Variants in ZNF676 observed in about 807,000 individuals in gnomAD.
The protein encoded by ZNF676 is zinc finger protein 676.
ZNF676 carries 4 observed loss-of-function variants against 6.0 expected under a neutral mutation model. The observed-to-expected ratio is 0.67, with a 90% CI of 0.33 to 1.53. ZNF676 has a LOEUF of 1.53. Ranked by LOEUF, ZNF676 falls within the 40% of genes most tolerant of loss-of-function variation. ZNF676 has a pLI of 0.06. For synonymous variants in ZNF676, 198 were observed against 223.1 expected, an observed-to-expected ratio of 0.89 and a Z score of 1.00; for missense variants, 644 against 679.7, an observed-to-expected ratio of 0.95 and a Z score of 0.58.
At chr19:22,258,227 T>C in the ZNF676 span, among the ~76,000 whole-genome samples, 2 of 152,120 alleles carry the variant, frequency 1.3e-5, no homozygotes, top group African/African-American at 2.4e-5. Flanking sequence ...ACCTCTTCTA[T>C]GGAGAAAGCC....
the ZNF676 span, among the ~76,000 whole-genome samples, chr19:22,239,008 G>A: frequency 6.2e-4 from 95 of 152,120 alleles, no homozygotes; most frequent in Non-Finnish European, 1.1e-3. Flanking sequence ...TTAATACTTT[G>A]TATCCTTCAA....
chr19:22,232,508 A>G, the ZNF676 span, among the ~76,000 whole-genome samples: 1 of 152,180 alleles, frequency 6.6e-6, no homozygotes, highest in African/African-American at 2.4e-5. Flanking sequence ...TAATAAAAAT[A>G]AAACCAGACA....
chr19:22,205,384 C>T (rs1232298050), intron 1 of ZNF676, among the ~76,000 whole-genome samples: 1 of 152,108 alleles, frequency 6.6e-6, no homozygotes, highest in African/African-American at 2.4e-5. Context: ...GGCACATACT[C>T]TAAAATTGAC....
At chr19:22,229,790 C>T in the ZNF676 span, among the ~76,000 whole-genome samples, 1,256 of 152,250 alleles carry the variant, frequency 8.2e-3, 19 homozygotes, top group African/African-American at 0.028. Flanking sequence ...AAATCAAAAT[C>T]ACAATGAGAT....
chr19:22,200,332 A>C (rs921368841), upstream of ZNF676, among the ~76,000 whole-genome samples: 3 of 152,074 alleles, frequency 2.0e-5, no homozygotes, highest in African/African-American at 7.2e-5. Context: ...AACTCTTCCA[A>C]TTATAAGTTC....
intron 1 of ZNF676, chr19:22,215,532 G>A: frequency 2.1e-6 from 3 of 1,397,146 alleles, no homozygotes; most frequent in South Asian, 2.4e-5. Context: ...AGAACTTGTG[G>A]AGCTGACTGC....
At chr19:22,208,830 C>CT (rs1271190907) in intron 1 of ZNF676, among the ~76,000 whole-genome samples, 2 of 152,056 alleles carry the variant, frequency 1.3e-5, no homozygotes, top group Admixed American at 6.6e-5. Context: ...GTCTTAGCTA[C>CT]TTGAGAAGCT....
chr19:22,237,030 G>T, the ZNF676 span, among the ~76,000 whole-genome samples: 1 of 152,294 alleles, frequency 6.6e-6, no homozygotes, highest in East Asian at 1.9e-4. Flanking sequence ...TAATTACAAG[G>T]TTCTTTAAAG....
chr19:22,226,785 G>C, the ZNF676 span, among the ~76,000 whole-genome samples: 1 of 151,978 alleles, frequency 6.6e-6, no homozygotes, highest in African/African-American at 2.4e-5. Flanking sequence ...TTTTAGTAGA[G>C]ACGAGGTTTC....
upstream of ZNF676, among the ~76,000 whole-genome samples, chr19:22,218,923 G>C (rs2024220804): frequency 7.1e-6 from 1 of 141,640 alleles, no homozygotes; most frequent in African/African-American, 2.5e-5. Context: ...GTGTGTTTTT[G>C]ATTTTGTTGT....
intron 2 of ZNF676, among the ~76,000 whole-genome samples, chr19:22,182,118 G>A (rs1484480396): frequency 6.6e-6 from 1 of 152,094 alleles, no homozygotes; most frequent in Non-Finnish European, 1.5e-5. Flanking sequence ...GAGCACTGCA[G>A]TGCCACAGAG....
At chr19:22,259,370 TCA>T in the ZNF676 span, among the ~76,000 whole-genome samples, 1 of 152,106 alleles carries the variant, frequency 6.6e-6, no homozygotes, top group African/African-American at 2.4e-5. Context: ...GAGAGTCACA[TCA>T]CATAGGTGCT....
the ZNF676 span, among the ~76,000 whole-genome samples, chr19:22,234,234 G>A: frequency 1.1e-4 from 16 of 152,112 alleles, no homozygotes; most frequent in Non-Finnish European, 1.6e-4. Context: ...ATACAGAACC[G>A]TCTGTAAATG....
At chr19:22,202,355 G>A (rs2144793243) in intron 1 of ZNF676, among the ~76,000 whole-genome samples, 1 of 152,302 alleles carries the variant, frequency 6.6e-6, no homozygotes, top group Non-Finnish European at 1.5e-5. Flanking sequence ...AAAAGTGACT[G>A]CAGAGGATGA....
intron 1 of ZNF676, among the ~76,000 whole-genome samples, chr19:22,208,749 G>T (rs1210931655): frequency 6.6e-6 from 1 of 152,058 alleles, no homozygotes; most frequent in East Asian, 1.9e-4. Context: ...TTTGAGACCG[G>T]CATGGACAAC....
chr19:22,205,881 T>TA (rs932900878), intron 1 of ZNF676, among the ~76,000 whole-genome samples: 11 of 151,218 alleles, frequency 7.3e-5, no homozygotes, highest in South Asian at 2.1e-4. Context: ...TAAATCTATT[T>TA]AAAAAAAGTA....
chr19:22,204,845 A>C (rs1349173114), intron 1 of ZNF676, among the ~76,000 whole-genome samples: 3 of 152,196 alleles, frequency 2.0e-5, no homozygotes, highest in Non-Finnish European at 4.4e-5. Context: ...ATTCTGAGTC[A>C]AAAGAATGAC....
the ZNF676 span, among the ~76,000 whole-genome samples, chr19:22,239,197 A>ATTTTTTTTTTTTTTTTTTTTTTTTTTTTT: frequency 7.7e-6 from 1 of 130,098 alleles, no homozygotes; most frequent in African/African-American, 3.1e-5. Context: ...CCAACTGTGA[A>ATTTTTTTTTTTTTTTTTTTTTTTTTTTTT]TTTTTTTTTT....
the ZNF676 span, among the ~76,000 whole-genome samples, chr19:22,258,790 G>A: frequency 6.6e-6 from 1 of 152,068 alleles, no homozygotes; most frequent in African/African-American, 2.4e-5. Flanking sequence ...TGAGTTCAGC[G>A]ATGTGTCACA....
Sources: gnomAD v4.1 joint callset for allele counts (sites outside exome capture counted in the v4.1 genomes callset) on GRCh38, gnomAD v4.1.1 for gene constraint, MANE v1.5 for transcripts, NCBI Gene and HGNC (gene_info 2026-07-23, HGNC 2026-07-21) for gene names.